Variants in NPAS3 observed in about 807,000 individuals in gnomAD.
NPAS3 encodes the protein neuronal PAS domain-containing protein 3.
NPAS3 carries 14 observed loss-of-function variants against 73.1 expected under a neutral mutation model. The observed-to-expected ratio is 0.19, with a 90% confidence interval of 0.13 to 0.30. The LOEUF is 0.30. Ranked by LOEUF, NPAS3 falls within the 10% of genes least tolerant of loss-of-function variation. The pLI is 1.00. For missense variants in NPAS3, 1,096 were observed against 1,250.0 expected, an observed-to-expected ratio of 0.88 and a Z score of 1.86; for synonymous variants, 620 against 541.5, an observed-to-expected ratio of 1.14 and a Z score of -2.01.
intron 4 of NPAS3, among the ~76,000 whole-genome samples, chr14:33,532,494 TA>T (rs1481797715): frequency 1.3e-5 from 2 of 152,098 alleles, no homozygotes; most frequent in Non-Finnish European, 2.9e-5. Context: ...GGACAGGTGT[TA>T]GCTGTATTTC....
intron 6 of NPAS3, among the ~76,000 whole-genome samples, chr14:33,732,981 T>A (rs2061436006): frequency 6.6e-6 from 1 of 152,182 alleles, no homozygotes; most frequent in Non-Finnish European, 1.5e-5. Flanking sequence ...TCACAATGCC[T>A]GCATTACCCA....
chr14:33,458,948 G>A (rs2050135917), intron 4 of NPAS3, among the ~76,000 whole-genome samples: 1 of 152,196 alleles, frequency 6.6e-6, no homozygotes, highest in Non-Finnish European at 1.5e-5. Flanking sequence ...GAAAGTAAAG[G>A]AATAAAAGAA....
At chr14:33,311,519 T>C (rs2043002863) in intron 3 of NPAS3, among the ~76,000 whole-genome samples, 1 of 152,126 alleles carries the variant, frequency 6.6e-6, no homozygotes, top group East Asian at 1.9e-4. Flanking sequence ...CTACTGAACT[T>C]GTGTCATCTG....
At chr14:33,279,870 A>G (rs2041516823) in intron 3 of NPAS3, among the ~76,000 whole-genome samples, 2 of 152,170 alleles carry the variant, frequency 1.3e-5, no homozygotes, top group Admixed American at 6.6e-5. Flanking sequence ...ACTCTTTTTG[A>G]ACTGCAAAAA....
chr14:33,254,553 G>A (rs183332810), intron 3 of NPAS3, among the ~76,000 whole-genome samples: 60 of 152,176 alleles, frequency 3.9e-4, no homozygotes, highest in African/African-American at 1.2e-3. Flanking sequence ...CAAAGCCTAC[G>A]GTAGTGCCTG....
At chr14:33,257,742 AT>A (rs1385680929) in intron 3 of NPAS3, among the ~76,000 whole-genome samples, 1 of 152,208 alleles carries the variant, frequency 6.6e-6, no homozygotes, top group Admixed American at 6.5e-5. Flanking sequence ...AAGACAGTTT[AT>A]GACAATAAAA....
In NPAS3 at chr14:33,098,689, G is replaced by A. The variant is rs185940396; in HGVS notation, c.140+42695G>A. Among the ~76,000 whole-genome samples, 307 of 152,256 alleles carry A rather than the reference G, an allele frequency of 2.0e-3. 1 individual carries two copies. Among genetic ancestry groups the A allele is most frequent in the African/African-American group, 7.0e-3 (290 of 41,544 alleles). ...AAAAGCAATTCTTAAAAAGAAAAAGGCAGGAAAGTATAACTAGTGTATCAA... is the reference window on the plus strand; with the variant it reads ...AAAAGCAATTCTTAAAAAGAAAAAGACAGGAAAGTATAACTAGTGTATCAA... On this transcript the variant is annotated intron_variant, in intron 2 of 11. Transcript: ENST00000356141.
At chr14:33,681,430 C>T (rs1388807824) in intron 6 of NPAS3, among the ~76,000 whole-genome samples, 1 of 152,178 alleles carries the variant, frequency 6.6e-6, no homozygotes, top group Non-Finnish European at 1.5e-5. Context: ...GCACTTTCTG[C>T]TGTACTGCAA....
intron 4 of NPAS3, among the ~76,000 whole-genome samples, chr14:33,400,664 C>T (rs1160684545): frequency 6.6e-6 from 1 of 152,114 alleles, no homozygotes; most frequent in African/African-American, 2.4e-5. Context: ...AGAAGACAGT[C>T]AGTCCAACTC....
At position 33,309,818 on chromosome 14, in the gene NPAS3, C is replaced by T. The variant is rs117988258; in HGVS notation, c.386-57368C>T. On this transcript the variant is annotated intron_variant, in intron 3 of 11. Transcript: ENST00000356141. ...AATTATTTTCTGTAAGTCTGCCTTC[C>T]CCTGGCATGTTAAAAGGCGAATGCT... Among the ~76,000 whole-genome samples, 1,520 of 152,228 alleles carry T rather than the reference C, an allele frequency of 1.0e-2. 11 individuals carry two copies. Among genetic ancestry groups the T allele is most frequent in the Non-Finnish European group, 0.017 (1,181 of 68,022 alleles).
At chr14:33,799,960 C>A in exon 12 of NPAS3, 1 of 1,613,982 alleles carries the variant, frequency 6.2e-7, no homozygotes, top group Non-Finnish European at 8.5e-7. Flanking sequence ...GTGCTCTGGG[C>A]GCGATGCAGA....
At chr14:33,723,132 T>G (rs1245353628) in intron 6 of NPAS3, among the ~76,000 whole-genome samples, 2 of 152,144 alleles carry the variant, frequency 1.3e-5, no homozygotes, top group East Asian at 3.9e-4. Flanking sequence ...AGATTTTACT[T>G]GAATTCTCAA....
At chr14:33,338,886 G>A (rs28720814) in intron 3 of NPAS3, among the ~76,000 whole-genome samples, 1,545 of 152,212 alleles carry the variant, frequency 0.01, 27 homozygotes, top group African/African-American at 0.035. Flanking sequence ...TTAGGAATTT[G>A]CATTAGGCTT....
chr14:33,005,411 G>C (rs1666300273), intron 1 of NPAS3, among the ~76,000 whole-genome samples: 3 of 152,132 alleles, frequency 2.0e-5, no homozygotes, highest in Admixed American at 6.5e-5. Context: ...TAGTGAATCT[G>C]TATACTTTGT....
downstream of NPAS3, chr14:33,801,393 G>T: frequency 2.1e-6 from 1 of 483,134 alleles, no homozygotes; most frequent in Admixed American, 4.0e-5. Context: ...TCTTTATTAA[G>T]ATGTCTTTCA....
At chr14:33,115,000 G>A (rs146344777) in intron 2 of NPAS3, among the ~76,000 whole-genome samples, 368 of 152,238 alleles carry the variant, frequency 2.4e-3, no homozygotes, top group Non-Finnish European at 4.2e-3. Flanking sequence ...AACAAACCAA[G>A]TAGGATGGAA....
At chr14:33,346,840 C>T (rs190748731) in intron 3 of NPAS3, among the ~76,000 whole-genome samples, 9 of 152,148 alleles carry the variant, frequency 5.9e-5, no homozygotes, top group African/African-American at 2.2e-4. Flanking sequence ...CATCTGGGCA[C>T]TAACATGGTG....
intron 1 of NPAS3, among the ~76,000 whole-genome samples, chr14:32,969,832 T>C (rs899684846): frequency 2.6e-5 from 4 of 152,208 alleles, no homozygotes; most frequent in Non-Finnish European, 5.9e-5. Flanking sequence ...AGAAACACTT[T>C]TTTAAAAAGG....
At chr14:33,258,665 C>G (rs1310233443) in intron 3 of NPAS3, among the ~76,000 whole-genome samples, 1 of 152,194 alleles carries the variant, frequency 6.6e-6, no homozygotes, top group Non-Finnish European at 1.5e-5. Context: ...AATCTGATCA[C>G]AAGGGCATGT....
Sources: allele counts gnomAD v4.1 joint callset (sites outside exome capture counted in the v4.1 genomes callset), GRCh38; gene constraint gnomAD v4.1.1; transcripts MANE v1.5; gene names NCBI Gene and HGNC (gene_info 2026-07-23, HGNC 2026-07-21).